Variants in RELL1 observed in about 807,000 individuals in gnomAD.
RELL1 encodes RELT-like protein 1.
A neutral mutation model predicts 23.0 loss-of-function variants in RELL1; 10 were observed. The ratio of observed to expected loss-of-function variants is 0.43; its 90% CI spans 0.27 to 0.74. The LOEUF (loss-of-function observed/expected upper bound fraction) is 0.74. RELL1 is among the 30% of genes least tolerant of loss of function. The pLI is 0.19. For synonymous variants in RELL1, 146 were observed against 146.8 expected, an observed-to-expected ratio of 0.99 and a Z score of 0.04; for missense variants, 315 against 364.4, an observed-to-expected ratio of 0.86 and a Z score of 1.10.
rs1719349879 is a variant in RELL1, at chr4:37,610,856, A to G, written c.*2490T>C. 6.6e-6 allele frequency among the ~76,000 whole-genome samples: 1 copy of G among 152,182 alleles called. No homozygotes were observed. On this transcript the variant is annotated 3_prime_UTR_variant, in exon 7 of 7. Coordinates refer to ENST00000454158, the MANE Select transcript of RELL1 (RefSeq NM_001085400.2). This position sits in a 1 kb window ranked among gnomAD's most constrained non-coding sequence, Gnocchi z 4.1. ...GTGGATTCCCTCATCCTTAGAAAGG[A>G]GGAGGAGTAACACAAGACCTGTAAA... is the stretch of plus-strand genomic sequence containing the variant.
chr4:37,675,022 G>GT (rs1282148145), intron 1 of RELL1, among the ~76,000 whole-genome samples: 2 of 152,104 alleles, frequency 1.3e-5, no homozygotes, highest in African/African-American at 4.8e-5. Context: ...TTGATATGTT[G>GT]TATCTCCCTC....
At chr4:37,633,759 C>T (rs541816640) in intron 5 of RELL1, among the ~76,000 whole-genome samples, 6 of 152,198 alleles carry the variant, frequency 3.9e-5, no homozygotes, top group African/African-American at 1.4e-4. Flanking sequence ...TGTGAGTCAC[C>T]TCACCTAGTC....
chr4:37,607,396 C>A (rs1003799466), downstream of RELL1, among the ~76,000 whole-genome samples: 9 of 152,152 alleles, frequency 5.9e-5, no homozygotes, highest in African/African-American at 2.2e-4. Flanking sequence ...TTCTACAAGT[C>A]CAAAATTATC....
chr4:37,613,401 T>C (rs1469669671), intron 6 of RELL1, 59 bp from the exon 7 acceptor site: 1 of 152,178 alleles, frequency 6.6e-6, no homozygotes, highest in Non-Finnish European at 1.5e-5. Flanking sequence ...ATATCACATA[T>C]TAATCTGCCT....
chr4:37,591,031 G>GT (rs1352944153), exon 7 of RELL1: 1 of 1,556,128 alleles, frequency 6.4e-7, no homozygotes, highest in African/African-American at 1.4e-5. Flanking sequence ...AGGTAAGCTG[G>GT]TGTCATGCTG....
At chr4:37,635,195 T>C in intron 4 of RELL1, 72 bp from the exon 5 acceptor site, 6 of 1,219,456 alleles carry the variant, frequency 4.9e-6, no homozygotes, top group Non-Finnish European at 7.2e-6. Context: ...TCTCTCCCTG[T>C]GATGACAGAA....
intron 1 of RELL1, among the ~76,000 whole-genome samples, chr4:37,666,934 C>G (rs1721555121): frequency 6.6e-6 from 1 of 152,140 alleles, no homozygotes; most frequent in East Asian, 1.9e-4. Flanking sequence ...AACATAGGAA[C>G]TGGAAAAGGA....
chr4:37,663,254 A>C (rs1721416823), intron 1 of RELL1, among the ~76,000 whole-genome samples: 2 of 152,036 alleles, frequency 1.3e-5, no homozygotes, highest in Admixed American at 1.3e-4. Context: ...ACTTTTCCAA[A>C]GTCTTTATTT....
intron 1 of RELL1, among the ~76,000 whole-genome samples, chr4:37,654,889 G>T (rs866822475): frequency 5.6e-4 from 85 of 151,744 alleles, no homozygotes; most frequent in African/African-American, 2.0e-3. Flanking sequence ...ACGCATGAAG[G>T]TATAAAGCCA....
chr4:37,673,776 T>TA (rs1721924774), intron 1 of RELL1, among the ~76,000 whole-genome samples: 1 of 152,128 alleles, frequency 6.6e-6, no homozygotes, highest in Non-Finnish European at 1.5e-5. Flanking sequence ...GGGGCTCTTC[T>TA]ATCACATGGA....
exon 7 of RELL1, chr4:37,590,939 C>A (rs777330778): frequency 6.2e-6 from 10 of 1,613,946 alleles, no homozygotes; most frequent in Admixed American, 5.0e-5. Flanking sequence ...GCAGCGGTGG[C>A]GGAGGCCCTT....
chr4:37,661,649 T>C (rs1224162486), intron 1 of RELL1, among the ~76,000 whole-genome samples: 2 of 152,140 alleles, frequency 1.3e-5, no homozygotes, highest in Non-Finnish European at 2.9e-5. Flanking sequence ...CAAAGCAAAT[T>C]CTACAAAATA....
intron 6 of RELL1, among the ~76,000 whole-genome samples, chr4:37,602,745 A>G (rs1270055987): frequency 6.6e-6 from 1 of 152,224 alleles, no homozygotes; most frequent in Non-Finnish European, 1.5e-5. Flanking sequence ...GCTCAGAAAG[A>G]TAAGATACCT....
chr4:37,683,362 C>T (rs1195826772), intron 1 of RELL1, among the ~76,000 whole-genome samples: 1 of 152,222 alleles, frequency 6.6e-6, no homozygotes, highest in African/African-American at 2.4e-5. Flanking sequence ...TGCTGACTGG[C>T]ACAGTACCTA....
intron 6 of RELL1, among the ~76,000 whole-genome samples, chr4:37,592,920 A>G (rs1225744548): frequency 1.3e-5 from 2 of 152,224 alleles, no homozygotes; most frequent in Admixed American, 1.3e-4. Context: ...GTATAATGTC[A>G]TTATTTGACT....
At chr4:37,591,686 T>C (rs968937745) in intron 6 of RELL1, 3 of 152,172 alleles carry the variant, frequency 2.0e-5, no homozygotes, top group African/African-American at 4.8e-5. Context: ...TCCTTTGGGA[T>C]TGGGGAGGCT....
downstream of RELL1, among the ~76,000 whole-genome samples, chr4:37,605,708 C>T (rs1212931843): frequency 6.6e-6 from 1 of 150,548 alleles, no homozygotes; most frequent in African/African-American, 2.5e-5. Flanking sequence ...TACCACTGCA[C>T]TCTGGCCTGG....
At chr4:37,589,043 T>TA, downstream of RELL1, 1 of 579,164 alleles carries the variant, frequency 1.7e-6, no homozygotes, top group South Asian at 3.0e-5. Context: ...TTGGAATTGT[T>TA]ATAATATCAT....
downstream of RELL1, among the ~76,000 whole-genome samples, chr4:37,605,851 A>AAAGAAG (rs1491017436): frequency 3.8e-4 from 50 of 132,294 alleles, no homozygotes; most frequent in Non-Finnish European, 6.5e-4. Context: ...AAGAAGGAAA[A>AAAGAAG]GAAAAGAAAA....
Sources: gnomAD v4.1 joint callset for allele counts (sites outside exome capture counted in the v4.1 genomes callset) on GRCh38, gnomAD v4.1.1 for gene constraint, Gnocchi (gnomAD v3.1) non-coding constraint, MANE v1.5 for transcripts, NCBI Gene and HGNC (gene_info 2026-07-23, HGNC 2026-07-21) for gene names.